The following FBXW8 variants were observed in gnomAD, a reference collection of about 807,000 sequenced individuals.
FBXW8 encodes the protein F-box and WD repeat domain containing 8.
FBXW8 carries 57 observed loss-of-function variants against 65.3 expected under a neutral mutation model. The observed-to-expected ratio is 0.87, with a 90% confidence interval of 0.71 to 1.09. The LOEUF (loss-of-function observed/expected upper bound fraction) is 1.09. FBXW8 is among the 50% of genes least tolerant of loss of function. FBXW8 has a pLI of 0.00. For missense variants in FBXW8, 777 were observed against 814.8 expected (o/e 0.95, Z 0.57); for synonymous variants, 308 against 330.2 (o/e 0.93, Z 0.73).
At position 117,027,383 on chromosome 12, in the gene FBXW8, C is replaced by T. The variant is rs138077991; in HGVS notation, c.1542-11C>T. ...ACGCCCCCTTACGAGCTCTCTCCCA[C>T]TGCCTTCCAGGCACCCGGTGCAGCA... On this transcript the variant is annotated splice_polypyrimidine_tract_variant and intron_variant, in intron 9 of 10. Transcript: ENST00000652555. 1.2e-5 allele frequency: 20 copies of T among 1,612,274 alleles called. No individual in the cohort carries two copies. The East Asian group carries it at 4.5e-4, about 36-fold the overall frequency.
chr12:117,007,829 G>A (rs1463410660), intron 7 of FBXW8, among the ~76,000 whole-genome samples: 4 of 152,150 alleles, frequency 2.6e-5, no homozygotes, highest in East Asian at 1.9e-4. Flanking sequence ...GAGAGAGTGC[G>A]TGGGAGGGAG....
intron 7 of FBXW8, among the ~76,000 whole-genome samples, chr12:117,009,216 AT>A (rs1205350896): frequency 6.6e-6 from 1 of 152,142 alleles, no homozygotes; most frequent in African/African-American, 2.4e-5. Flanking sequence ...TACTTAAAAA[AT>A]TTTTTAAAAA....
intron 9 of FBXW8, among the ~76,000 whole-genome samples, chr12:117,025,692 T>TTTCTGAATGGTGATGCACTGAATTGC (rs1954210850): frequency 6.6e-6 from 1 of 152,146 alleles, no homozygotes; most frequent in Non-Finnish European, 1.5e-5. Flanking sequence ...CTCGGCCCTT[T>TTTCTGAATGGTGATGCACTGAATTGC]TTCTGAATGG....
chr12:116,971,885 G>A (rs949095161), intron 5 of FBXW8, among the ~76,000 whole-genome samples: 4 of 152,082 alleles, frequency 2.6e-5, no homozygotes, highest in Non-Finnish European at 4.4e-5. Flanking sequence ...ACCAAGTGGC[G>A]TCCACAGTGA....
At chr12:116,952,222 G>A (rs768964915) in intron 4 of FBXW8, among the ~76,000 whole-genome samples, 1 of 152,160 alleles carries the variant, frequency 6.6e-6, no homozygotes, top group Non-Finnish European at 1.5e-5. Flanking sequence ...ATGTACCCTA[G>A]GTGTATAGTA....
chr12:116,923,585 G>A (rs1277162519), intron 1 of FBXW8, among the ~76,000 whole-genome samples: 1 of 151,804 alleles, frequency 6.6e-6, no homozygotes, highest in Non-Finnish European at 1.5e-5. Context: ...GTGCAGTGGC[G>A]CGATCTCGGC....
intron 8 of FBXW8, among the ~76,000 whole-genome samples, chr12:117,016,836 A>C (rs1370245074): frequency 1.3e-5 from 2 of 152,204 alleles, no homozygotes; most frequent in Non-Finnish European, 2.9e-5. Context: ...CCTAAACTTC[A>C]TTCTTTTCCA....
rs1953777425 is a variant in FBXW8 at position 117,010,447 on chromosome 12, G to A, written c.1364G>A (p.Gly455Glu). 2 of 1,614,250 alleles carry A rather than the reference G, an allele frequency of 1.2e-6. No homozygotes were observed. Among genetic ancestry groups the A allele is most frequent in the South Asian group, 2.2e-5 (2 of 91,086 alleles). Residue 455 changes from glycine (G) to glutamate (E), a missense_variant, in exon 8 of 11, where the codon GGG becomes GAG. By Grantham distance (98) the Gly-to-Glu change is moderately conservative. Coordinates refer to ENST00000652555, the MANE Select transcript of FBXW8 (RefSeq NM_153348.3). ...PNLMVSGNMD[G>E]RVRIHDLRSG... is the part of the protein sequence containing the mutation. ...CTCATGGTCAGTGGCAACATGGACG[G>A]GAGGTACGTGAGTTGGAAGGGCATT...
intron 2 of FBXW8, among the ~76,000 whole-genome samples, chr12:116,930,589 A>G (rs1011726234): frequency 1.3e-5 from 2 of 152,098 alleles, no homozygotes; most frequent in East Asian, 1.9e-4. Context: ...TTTCTCTTTT[A>G]TAGGTTGTCT....
In FBXW8 at chr12:116,911,240, CG is replaced by C. The variant is rs1879903920; in HGVS notation, c.205del (p.Ala69ArgfsTer11). On this transcript the variant is annotated frameshift_variant, in exon 1 of 11. Transcript: ENST00000652555. LOFTEE classifies it high-confidence loss of function. ...CTGGAGGGCGCGGGGAGGCCCCCGG[CG>C]GCGCGGGCGACTCGGGCCGAGGGGC... is the stretch of plus-strand genomic sequence containing the variant. The part of the protein sequence containing the change: ...RLLEGAGRPP[A>X]ARATRAEGQD... The C allele has an allele frequency of 8.1e-7, 1 of 1,239,710 alleles. No individual in the cohort carries two copies. The highest frequency in any genetic ancestry group is 1.0e-6 in the Non-Finnish European group (1 of 994,072). The allele number at this position is 1,239,710 out of a possible 1,614,324, so 76.8% of individuals were successfully genotyped here. A position where few individuals can be genotyped will look rare whatever the true frequency, so the allele number is the denominator to read the frequency against.
chr12:116,964,632 A>C (rs1231061180), intron 4 of FBXW8, 65 bp from the exon 5 acceptor site: 3 of 1,593,228 alleles, frequency 1.9e-6, no homozygotes, highest in Non-Finnish European at 2.6e-6. Context: ...GGCTCTGTGC[A>C]TTTTCCCCAC....
chr12:116,987,913 C>T (rs139901783), intron 6 of FBXW8, among the ~76,000 whole-genome samples: 104 of 152,316 alleles, frequency 6.8e-4, no homozygotes, highest in South Asian at 1.5e-3. Flanking sequence ...TTCTCCACCC[C>T]CACCTTGTAC....
intron 8 of FBXW8, among the ~76,000 whole-genome samples, chr12:117,011,930 T>C (rs1435297828): frequency 1.3e-5 from 2 of 152,236 alleles, no homozygotes; most frequent in South Asian, 2.1e-4. Context: ...AAGTACTATG[T>C]TGAATCATAA....
intron 2 of FBXW8, among the ~76,000 whole-genome samples, chr12:116,944,269 A>T: frequency 6.6e-6 from 1 of 152,112 alleles, no homozygotes; most frequent in East Asian, 1.9e-4. Flanking sequence ...TTTTTGGTGG[A>T]ATTCTTACTG....
At chr12:117,009,248 C>T (rs1953748833) in intron 7 of FBXW8, among the ~76,000 whole-genome samples, 1 of 152,080 alleles carries the variant, frequency 6.6e-6, no homozygotes, top group Non-Finnish European at 1.5e-5. Context: ...ATATCATCAG[C>T]AGGCCGTGGT....
chr12:116,979,792 A>AC (rs1885180460), intron 5 of FBXW8, among the ~76,000 whole-genome samples: 2 of 152,034 alleles, frequency 1.3e-5, no homozygotes, highest in East Asian at 3.9e-4. Flanking sequence ...AAAAAAAAAA[A>AC]AAAACACTTG....
chr12:116,964,607 T>A, intron 4 of FBXW8, 90 bp from the exon 5 acceptor site: 2 of 1,484,692 alleles, frequency 1.3e-6, no homozygotes, highest in Non-Finnish European at 1.9e-6. Context: ...GATTCTTACT[T>A]GTCTGTTGTT....
chr12:116,916,196 G>A (rs554321123), intron 1 of FBXW8, among the ~76,000 whole-genome samples: 3 of 152,256 alleles, frequency 2.0e-5, no homozygotes, highest in African/African-American at 7.2e-5. Context: ...TGAAAAATGT[G>A]TCCACATTTT....
At chr12:116,958,943 G>A (rs1282623906) in intron 4 of FBXW8, among the ~76,000 whole-genome samples, 2 of 152,172 alleles carry the variant, frequency 1.3e-5, no homozygotes, top group Admixed American at 6.5e-5. Context: ...ACACACAAAC[G>A]AAACCATTTG....
Sources: gnomAD v4.1 joint callset for allele counts (sites outside exome capture counted in the v4.1 genomes callset) on GRCh38, gnomAD v4.1.1 for gene constraint, MANE v1.5 for transcripts, NCBI Gene and HGNC (gene_info 2026-07-23, HGNC 2026-07-21) for gene names.